Variants in RBM33 observed in about 807,000 individuals in gnomAD.
RBM33 encodes the protein RNA-binding protein 33.
Under a neutral mutation model 132.6 loss-of-function variants are expected in RBM33, and 28 were observed. The ratio of observed to expected loss-of-function variants is 0.21; its 90% CI spans 0.16 to 0.29. The LOEUF is 0.29. RBM33 is among the 10% of genes least tolerant of loss of function. The pLI is 1.00. For synonymous variants in RBM33, 634 were observed against 593.0 expected (o/e 1.07, Z -1.01); for missense variants, 1,291 against 1,518.5 (o/e 0.85, Z 2.49).
chr7:155,751,756 C>T (rs1006362309), intron 14 of RBM33, among the ~76,000 whole-genome samples: 4 of 151,710 alleles, frequency 2.6e-5, no homozygotes, highest in African/African-American at 9.7e-5. Flanking sequence ...CCAAGTCTCT[C>T]CTCTGTAATG....
chr7:155,702,877 A>G (rs1351979675), intron 6 of RBM33, among the ~76,000 whole-genome samples: 1 of 152,248 alleles, frequency 6.6e-6, no homozygotes, highest in Non-Finnish European at 1.5e-5. Flanking sequence ...CTCCCCAGGT[A>G]GCTACAAGTT....
At chr7:155,652,391 C>G (rs1021237407) in intron 1 of RBM33, among the ~76,000 whole-genome samples, 3 of 152,174 alleles carry the variant, frequency 2.0e-5, no homozygotes, top group African/African-American at 7.2e-5. Flanking sequence ...CGGGTGGTAG[C>G]TAAATTTGGG....
intron 13 of RBM33, among the ~76,000 whole-genome samples, chr7:155,743,316 C>T (rs1801410518): frequency 6.6e-6 from 1 of 152,192 alleles, no homozygotes; most frequent in South Asian, 2.1e-4. Flanking sequence ...GTATGTGTAA[C>T]TGATTTGGTT....
intron 13 of RBM33, among the ~76,000 whole-genome samples, chr7:155,744,065 G>T (rs1435476413): frequency 6.6e-6 from 1 of 152,162 alleles, no homozygotes; most frequent in Non-Finnish European, 1.5e-5. Context: ...GGGCACTCAA[G>T]CTCCAGGGCA....
In RBM33 at chr7:155,779,145, T is replaced by A. The variant is rs796790876; in HGVS notation, c.*4104T>A. 1.1e-4 allele frequency: 17 copies of A among 151,506 alleles called. No individual in the cohort carries two copies. Among genetic ancestry groups the A allele is most frequent in the African/African-American group, 4.1e-4 (17 of 41,328 alleles). The allele number at this position is 151,506 out of a possible 1,614,324, so 9.4% of individuals were successfully genotyped here. A position where few individuals can be genotyped will look rare whatever the true frequency, so the allele number is the denominator to read the frequency against. ...AGGCCTCAGCTATGGCTTGACGTAA[T>A]CGCTTTTAGACCCAGGTTGGCTTCC... On this transcript the variant is annotated 3_prime_UTR_variant, in exon 18 of 18. Coordinates refer to ENST00000401878, the MANE Select transcript of RBM33 (RefSeq NM_053043.3).
At chr7:155,706,827 A>C (rs368410473) in intron 6 of RBM33, 33 bp from the exon 7 acceptor site, 9 of 1,545,184 alleles carry the variant, frequency 5.8e-6, no homozygotes, top group Non-Finnish European at 7.0e-6. Flanking sequence ...GGCTCTCGGA[A>C]AGTAACTAAC....
At chr7:155,678,470 C>T (rs1234528869) in intron 3 of RBM33, 138 bp from the exon 4 acceptor site, 2 of 571,870 alleles carry the variant, frequency 3.5e-6, no homozygotes, top group Non-Finnish European at 6.3e-6. Context: ...TGATTATCCA[C>T]TGGTGACCAG....
intron 1 of RBM33, among the ~76,000 whole-genome samples, chr7:155,648,264 A>G (rs747555799): frequency 3.9e-5 from 6 of 152,242 alleles, no homozygotes; most frequent in Non-Finnish European, 8.8e-5. Context: ...TTTTAGAGCA[A>G]GATACACTGC....
intron 5 of RBM33, among the ~76,000 whole-genome samples, chr7:155,697,574 A>G (rs1008987544): frequency 1.3e-5 from 2 of 152,090 alleles, no homozygotes; most frequent in Middle Eastern, 3.4e-3. Context: ...CTCTCTATAT[A>G]TATAGATTTG....
In RBM33 at chr7:155,766,994, T is replaced by C. The variant is rs945806376; in HGVS notation, c.3375+339T>C. On this transcript the variant is annotated intron_variant, in intron 16 of 17. Transcript: ENST00000401878. ...ATCAAATGACTTGTTTTATTTGTAA[T>C]AACATTACATTTTAAAGTATTTAGC... 3.9e-5 allele frequency: 11 copies of C among 280,194 alleles called. No homozygotes were observed. In the South Asian group the frequency reaches 4.5e-4, roughly 11 times the overall value. The allele number at this position is 280,194 out of a possible 1,614,324, so 17.4% of individuals were successfully genotyped here.
At chr7:155,728,308 AC>A (rs1800851921) in intron 9 of RBM33, among the ~76,000 whole-genome samples, 1 of 152,068 alleles carries the variant, frequency 6.6e-6, no homozygotes, top group Non-Finnish European at 1.5e-5. Context: ...GTCAGTGGGT[AC>A]TTCAGGTTCT....
chr7:155,728,579 T>A lies in RBM33; in HGVS notation c.1261-8951T>A, dbSNP rs138609674. ...CCTCTTTAATGCAGCTCTTGTAGAT[T>A]GATCAGGTGAGTACTGATAATTTCT... is the stretch of plus-strand genomic sequence containing the variant. On this transcript the variant is annotated intron_variant, in intron 9 of 17. Transcript: ENST00000401878. 1.8e-3 allele frequency among the ~76,000 whole-genome samples: 270 copies of A among 152,366 alleles called. 2 individuals carry two copies. The highest frequency in any genetic ancestry group is 6.3e-3 in the African/African-American group (263 of 41,586).
chr7:155,711,335 A>G lies in RBM33; in HGVS notation c.1081A>G (p.Met361Val), dbSNP rs200440039. The G allele has an allele frequency of 6.2e-6, 10 of 1,604,260 alleles. No individual in the cohort carries two copies. The Admixed American group carries it at 1.2e-4, about 19-fold the overall frequency. Residue 361 changes from methionine to valine, a missense_variant, in exon 8 of 18, where the codon ATG becomes GTG. By Grantham distance (21) the Met-to-Val change is conservative. Transcript: ENST00000401878. ...CCCATCCCCGCCTCAGGGAATGCAC[A>G]TGCCTCCCCAGCTAGAGACCCCAAG... ...HHPSPPQGMH[M>V]PPQLETPRMM...
At position 155,648,920 on chromosome 7, in the gene RBM33, G is replaced by A. The variant is rs547618477; in HGVS notation, c.43+4001G>A. 2.6e-4 allele frequency among the ~76,000 whole-genome samples: 40 copies of A among 152,194 alleles called. No homozygotes were observed. In the South Asian group the frequency reaches 7.7e-3, roughly 29 times the overall value. ...GTACATGACATGTCACTTCTCTCTT[G>A]GTGTATTCAAGATTCTCTTTGTCTT... is the stretch of plus-strand genomic sequence containing the variant. On this transcript the variant is annotated intron_variant, in intron 1 of 17. Coordinates refer to ENST00000401878, the MANE Select transcript of RBM33 (RefSeq NM_053043.3).
At chr7:155,765,505 G>C (rs543525726) in intron 15 of RBM33, among the ~76,000 whole-genome samples, 2 of 152,300 alleles carry the variant, frequency 1.3e-5, no homozygotes, top group East Asian at 3.9e-4. Flanking sequence ...CTCAAGTCCT[G>C]AGGTTCTATT....
intron 1 of RBM33, among the ~76,000 whole-genome samples, chr7:155,660,484 T>G (rs1798610888): frequency 6.6e-6 from 1 of 152,236 alleles, no homozygotes; most frequent in Non-Finnish European, 1.5e-5. Context: ...GCAACAGATT[T>G]CTTCCTGTTC....
chr7:155,694,854 C>A (rs1270014406), intron 5 of RBM33, among the ~76,000 whole-genome samples: 1 of 152,104 alleles, frequency 6.6e-6, no homozygotes, highest in Non-Finnish European at 1.5e-5. Flanking sequence ...AATAAAGCTA[C>A]TAAAAGGATC....
chr7:155,724,657 T>C (rs912159293), intron 9 of RBM33, among the ~76,000 whole-genome samples: 8 of 152,218 alleles, frequency 5.3e-5, no homozygotes, highest in African/African-American at 1.7e-4. Flanking sequence ...CCTACAGTTA[T>C]ATAATCATCC....
intron 14 of RBM33, among the ~76,000 whole-genome samples, chr7:155,761,909 T>C (rs1217987025): frequency 6.6e-6 from 1 of 152,236 alleles, no homozygotes; most frequent in Non-Finnish European, 1.5e-5. Flanking sequence ...ATGTCATTGC[T>C]TAAGTTGCAG....
Sources: gnomAD v4.1 joint callset for allele counts (sites outside exome capture counted in the v4.1 genomes callset) on GRCh38, gnomAD v4.1.1 for gene constraint, MANE v1.5 for transcripts, NCBI Gene and HGNC (gene_info 2026-07-23, HGNC 2026-07-21) for gene names.